Variants in UGT2B17 observed in about 807,000 individuals in gnomAD.
UGT2B17 encodes the protein UDP glucuronosyltransferase family 2 member B17.
A neutral mutation model predicts 48.2 loss-of-function variants in UGT2B17; 21 were observed. The observed-to-expected ratio is 0.44, with a 90% CI of 0.31 to 0.63. The LOEUF is 0.63. Among genes scored for constraint, UGT2B17 ranks in the 20% least tolerant of loss-of-function variants. UGT2B17 has a pLI of 0.08. For synonymous variants in UGT2B17, 146 were observed against 238.4 expected, an observed-to-expected ratio of 0.61 and a Z score of 3.57; for missense variants, 402 against 696.1, an observed-to-expected ratio of 0.58 and a Z score of 4.75.
chr4:68,546,200 A>G (rs1458491816), intron 6 of UGT2B17, among the ~76,000 whole-genome samples: 1 of 126,226 alleles, frequency 7.9e-6, no homozygotes, highest in Non-Finnish European at 1.7e-5. Context: ...AACTGAATCC[A>G]GCAGCACATC....
chr4:68,544,042 G>T lies in UGT2B17; in HGVS notation c.1314-6138C>A, dbSNP rs189596501. Among the ~76,000 whole-genome samples, 17 of 126,516 alleles carry T rather than the reference G, an allele frequency of 1.3e-4. 3 individuals are homozygous for T. Among genetic ancestry groups the T allele is most frequent in the African/African-American group, 4.6e-4 (17 of 37,062 alleles). 83.0% of individuals were successfully genotyped at this position (126,516 alleles called of 152,430 possible). ...CATCCAGGAGAGCTTCCCCAATCTA[G>T]CAAGGCAGGCTGACATTCAAATTCA... is the stretch of plus-strand genomic sequence containing the variant. On this transcript the variant is annotated intron_variant, in intron 6 of 6. Transcript: ENST00000317746.
chr4:68,573,843 C>A (rs1424027036), intron 1 of UGT2B17, among the ~76,000 whole-genome samples: 1 of 126,808 alleles, frequency 7.9e-6, no homozygotes, highest in Non-Finnish European at 1.7e-5. Context: ...TCCTCCCTGC[C>A]GTGAGAGACA....
intron 6 of UGT2B17, among the ~76,000 whole-genome samples, chr4:68,541,157 A>G (rs1258118993): frequency 7.9e-6 from 1 of 126,184 alleles, no homozygotes; most frequent in African/African-American, 2.7e-5. Context: ...CTTTGGGTAT[A>G]TATCAAGTAA....
chr4:68,550,534 G>C, intron 6 of UGT2B17, 143 bp downstream of exon 6: 1 of 614,482 alleles, frequency 1.6e-6, no homozygotes, highest in Non-Finnish European at 2.3e-6. Context: ...TAATTGTCTG[G>C]TGGAAAATAA....
chr4:68,539,217 G>T lies in UGT2B17; in HGVS notation c.1314-1313C>A, dbSNP rs771648888. 1.1e-3 allele frequency among the ~76,000 whole-genome samples: 141 copies of T among 125,778 alleles called. 33 individuals carry two copies. Among genetic ancestry groups the T allele is most frequent in the Middle Eastern group, 4.0e-3 (1 of 252 alleles). The allele number at this position is 125,778 out of a possible 152,430, so 82.5% of individuals were successfully genotyped here. On this transcript the variant is annotated intron_variant, in intron 6 of 6. Transcript: ENST00000317746. ...CCAATTTATCACAAACTGCATAGAAGAACTCTTTCCTCCTGGGCCATTTTA... is the reference window on the plus strand; with the variant it reads ...CCAATTTATCACAAACTGCATAGAATAACTCTTTCCTCCTGGGCCATTTTA...
intron 5 of UGT2B17, 24 bp downstream of exon 5, chr4:68,551,800 A>G: frequency 8.0e-7 from 1 of 1,246,178 alleles, no homozygotes; most frequent in Admixed American, 2.2e-5. Flanking sequence ...TAATATATTC[A>G]GTATTTGTTC....
At chr4:68,546,741 A>T (rs565844158) in intron 6 of UGT2B17, among the ~76,000 whole-genome samples, 1 of 125,916 alleles carries the variant, frequency 7.9e-6, no homozygotes, top group Admixed American at 8.2e-5. Context: ...CAGGATAAAA[A>T]ATCAATGTGC....
chr4:68,570,118 G>T (rs1306225501), intron 1 of UGT2B17, among the ~76,000 whole-genome samples: 2 of 126,838 alleles, frequency 1.6e-5, no homozygotes, highest in Non-Finnish European at 3.3e-5. Context: ...ACACCAAGTT[G>T]TAGAAGGAAG....
At position 68,565,740 on chromosome 4, in the gene UGT2B17, C is replaced by T; in HGVS notation, c.725-20G>A. 7.6e-7 allele frequency: 1 copy of T among 1,324,360 alleles called. No individual in the cohort carries two copies. The highest frequency in any genetic ancestry group is 9.7e-7 in the Non-Finnish European group (1 of 1,027,242). The allele number at this position is 1,324,360 out of a possible 1,614,324, so 82.0% of individuals were successfully genotyped here. On this transcript the variant is annotated intron_variant, in intron 2 of 6. Coordinates refer to ENST00000317746, the MANE Select transcript of UGT2B17 (RefSeq NM_001077.4). The stretch of plus-strand genomic sequence containing the variant: ...GTCTTCCTGATGGAAAAAAACAAAA[C>T]AAAACAAAAGGTAGCTAACACGAGA...
rs1318715120 is a variant in UGT2B17 at position 68,568,294 on chromosome 4, A to G, written c.191T>C (p.Val64Ala). 2 of 1,377,596 alleles carry G rather than the reference A, an allele frequency of 1.5e-6. No homozygotes were observed. Among genetic ancestry groups the G allele is most frequent in the Non-Finnish European group, 1.9e-6 (2 of 1,054,552 alleles). The allele number at this position is 1,377,596 out of a possible 1,614,324, so 85.3% of individuals were successfully genotyped here. A position where few individuals can be genotyped will look rare whatever the true frequency, so the allele number is the denominator to read the frequency against. ...IVLTSSASILVNASKSSAIKL... is the reference protein window; with the variant it reads ...IVLTSSASILANASKSSAIKL... ...AATAGCAGATGATTTACTGGCATTGACAAGAATAGAAGCCGAAGATGTCAA... is the reference window on the plus strand; with the variant it reads ...AATAGCAGATGATTTACTGGCATTGGCAAGAATAGAAGCCGAAGATGTCAA... The change falls in exon 2 of 7, where the codon GTC becomes GCC. Residue 64 changes from valine (V) to alanine (A), a missense_variant. Val to Ala is a moderately conservative substitution (Grantham distance 64, BLOSUM62 0). Around this residue, in one of 5 missense-constraint regions of UGT2B17, gnomAD observed 51 missense variants for 108.7 expected, o/e 0.47. Transcript: ENST00000317746.
Position 68,555,845 on chromosome 4 carries a change from A to T in UGT2B17, c.1006-3934T>A, listed in dbSNP as rs1730990145. On this transcript the variant is annotated intron_variant, in intron 4 of 6. Transcript: ENST00000317746. The stretch of plus-strand genomic sequence containing the variant: ...AGAAGTGTTGTCTAATTCAAAGCTT[A>T]TTTAAAGGTTATGTATAAAACAAGG... Among the ~76,000 whole-genome samples, 2 of 124,184 alleles carry T rather than the reference A, an allele frequency of 1.6e-5. 1 individual carries two copies. 81.5% of individuals were successfully genotyped at this position (124,184 alleles called of 152,430 possible). A position where few individuals can be genotyped will look rare whatever the true frequency, so the allele number is the denominator to read the frequency against.
Position 68,558,396 on chromosome 4 carries a change from A to T in UGT2B17, c.1005+2141T>A, listed in dbSNP as rs1731042519. On this transcript the variant is annotated intron_variant, in intron 4 of 6. Transcript: ENST00000317746. ...TTTTCCTAATTTGGAGTCACTGTAAACTAAGCTATGCTTTCATAAAGCCCT... is the reference window on the plus strand; with the variant it reads ...TTTTCCTAATTTGGAGTCACTGTAATCTAAGCTATGCTTTCATAAAGCCCT... Among the ~76,000 whole-genome samples the T allele has an allele frequency of 2.4e-5, 3 of 125,774 alleles. 1 individual carries two copies. Among genetic ancestry groups the T allele is most frequent in the Non-Finnish European group, 5.1e-5 (3 of 59,226 alleles). The allele number at this position is 125,774 out of a possible 152,430, so 82.5% of individuals were successfully genotyped here.
intron 6 of UGT2B17, among the ~76,000 whole-genome samples, chr4:68,539,304 A>C (rs1193978923): frequency 8.0e-6 from 1 of 125,488 alleles, no homozygotes; most frequent in Non-Finnish European, 1.7e-5. Flanking sequence ...GATTATGTTT[A>C]TATAATTGAA....
intron 4 of UGT2B17, among the ~76,000 whole-genome samples, chr4:68,559,486 C>T (rs1303899280): frequency 2.4e-5 from 3 of 125,564 alleles, no homozygotes; most frequent in Admixed American, 8.2e-5. Context: ...CCAGTCATTA[C>T]CATGTCTAGT....
chr4:68,568,472 A>G lies in UGT2B17; in HGVS notation c.13T>C (p.Trp5Arg). 1 of 1,352,766 alleles carries G rather than the reference A, an allele frequency of 7.4e-7. No individual in the cohort carries two copies. The highest frequency in any genetic ancestry group is 9.5e-7 in the Non-Finnish European group (1 of 1,047,194). 83.8% of individuals were successfully genotyped at this position (1,352,766 alleles called of 1,614,324 possible). A position where few individuals can be genotyped will look rare whatever the true frequency, so the allele number is the denominator to read the frequency against. The change falls in exon 2 of 7, where the codon TGG becomes CGG. Residue 5 changes from tryptophan to arginine, a missense_variant. Trp to Arg is a moderately radical substitution (Grantham distance 101). Around this residue, in one of 5 missense-constraint regions of UGT2B17, gnomAD observed 51 missense variants for 108.7 expected, o/e 0.47. Coordinates refer to ENST00000317746, the MANE Select transcript of UGT2B17 (RefSeq NM_001077.4). ...TGCATCAGCAGAAAGACTGACATCC[A>G]TTTCAGAGACATCCTGGTCTTATGC... MSLK[W>R]MSVFLLMQLS...
chr4:68,565,842 G>A lies in UGT2B17; in HGVS notation c.725-122C>T, dbSNP rs1246537983. 1.6e-5 allele frequency: 12 copies of A among 742,664 alleles called. 2 individuals carry two copies. The highest frequency in any genetic ancestry group is 1.9e-5 in the Non-Finnish European group (11 of 578,952). 46.0% of individuals were successfully genotyped at this position (742,664 alleles called of 1,614,324 possible). A position where few individuals can be genotyped will look rare whatever the true frequency, so the allele number is the denominator to read the frequency against. Reference sequence around the variant, plus strand: ...TAACATACCTAAAAATATATAAAATGTCTGCACATTGATAATATATATAAA... The same window carrying A: ...TAACATACCTAAAAATATATAAAATATCTGCACATTGATAATATATATAAA... On this transcript the variant is annotated intron_variant, in intron 2 of 6. Coordinates refer to ENST00000317746, the MANE Select transcript of UGT2B17 (RefSeq NM_001077.4).
At position 68,538,632 on chromosome 4, in the gene UGT2B17, G is replaced by A. The variant is rs1321872490; in HGVS notation, c.1314-728C>T. On this transcript the variant is annotated intron_variant, in intron 6 of 6. Transcript: ENST00000317746. ...CTACTCTAATCTTCTGTCTTCTACC[G>A]TATTTTCCTACTAGTAGCCAGAACA... Among the ~76,000 whole-genome samples, 2 of 126,104 alleles carry A rather than the reference G, an allele frequency of 1.6e-5. 1 individual carries two copies. Among genetic ancestry groups the A allele is most frequent in the Admixed American group, 1.6e-4 (2 of 12,254 alleles). The allele number at this position is 126,104 out of a possible 152,430, so 82.7% of individuals were successfully genotyped here. A position where few individuals can be genotyped will look rare whatever the true frequency, so the allele number is the denominator to read the frequency against.
chr4:68,568,050 T>G lies in UGT2B17; in HGVS notation c.435A>C (p.Lys145Asn). The part of the protein sequence containing the change: ...KKLMRKLQES[K>N]FDVLLADAVN... Reference sequence around the variant, plus strand: ...CGGCATCTGCCAGAAGGACATCAAATTTTGACTCTTGTAGTTTTCTCATAA... The same window carrying G: ...CGGCATCTGCCAGAAGGACATCAAAGTTTGACTCTTGTAGTTTTCTCATAA... The change falls in exon 2 of 7, where the codon AAA becomes AAC. Residue 145 changes from lysine (K) to asparagine (N), a missense_variant. Physicochemically the swap from Lys to Asn is moderately conservative, Grantham distance 94. Coordinates refer to ENST00000317746, the MANE Select transcript of UGT2B17 (RefSeq NM_001077.4). 1 of 1,382,900 alleles carries G rather than the reference T, an allele frequency of 7.2e-7. No homozygotes were observed. Among genetic ancestry groups the G allele is most frequent in the Non-Finnish European group, 9.5e-7 (1 of 1,055,486 alleles). The allele number at this position is 1,382,900 out of a possible 1,614,324, so 85.7% of individuals were successfully genotyped here.
chr4:68,564,296 T>TATATATATATATATA (rs1226939611), intron 3 of UGT2B17, among the ~76,000 whole-genome samples: 15 of 93,830 alleles, frequency 1.6e-4, no homozygotes, highest in African/African-American at 8.7e-4. Context: ...ATATATATAT[T>TATATATATATATATA]TTTTTTTTTT....
Sources: gnomAD v4.1 joint callset for allele counts (sites outside exome capture counted in the v4.1 genomes callset) on GRCh38, gnomAD v4.1.1 for gene constraint, gnomAD v4.1.1 regional missense constraint, MANE v1.5 for transcripts, NCBI Gene and HGNC (gene_info 2026-07-23, HGNC 2026-07-21) for gene names.